The following PPP1R9A variants were observed in gnomAD, a reference collection of about 807,000 sequenced individuals.
PPP1R9A encodes the protein protein phosphatase 1 regulatory subunit 9A.
In PPP1R9A, 59 loss-of-function variants were observed where a neutral mutation model predicts 141.9. That is an observed-to-expected ratio of 0.42 (90% CI 0.34 to 0.52). The LOEUF is 0.52. Among genes scored for constraint, PPP1R9A ranks in the 20% least tolerant of loss-of-function variants. The pLI is 0.10. For missense variants in PPP1R9A, 1,444 were observed against 1,611.9 expected, an observed-to-expected ratio of 0.90 and a Z score of 1.78; for synonymous variants, 500 against 569.7, an observed-to-expected ratio of 0.88 and a Z score of 1.74.
chr7:95,220,853 G>C (rs562548326), intron 7 of PPP1R9A, among the ~76,000 whole-genome samples: 3 of 152,084 alleles, frequency 2.0e-5, no homozygotes, highest in Non-Finnish European at 4.4e-5. Flanking sequence ...CATGTACACG[G>C]TTATTCATCT....
chr7:95,202,849 T>C (rs1789881314), intron 6 of PPP1R9A, among the ~76,000 whole-genome samples: 2 of 152,064 alleles, frequency 1.3e-5, no homozygotes, highest in African/African-American at 2.4e-5. Flanking sequence ...TATGAACTAG[T>C]GCTATATTCC....
Position 94,998,125 on chromosome 7 carries a change from G to A in PPP1R9A, c.1395+86617G>A, listed in dbSNP as rs533712352. 1.2e-4 allele frequency among the ~76,000 whole-genome samples: 18 copies of A among 152,216 alleles called. No homozygotes were observed. In the East Asian group the frequency reaches 3.5e-3, roughly 29 times the overall value. On this transcript the variant is annotated intron_variant, in intron 2 of 19. Transcript: ENST00000433360. Reference sequence around the variant, plus strand: ...TGACTTTGAATAAATATAACCTGAGGTTGTTTATTTTTCTTGTTTAGTGAG... The same window carrying A: ...TGACTTTGAATAAATATAACCTGAGATTGTTTATTTTTCTTGTTTAGTGAG...
At position 95,174,004 on chromosome 7, in the gene PPP1R9A, C is replaced by T. The variant is rs115530929; in HGVS notation, c.1754+12033C>T. ...ATACACTTATACCAGCTAGCAATTCCGCACCTCGGTATTTACTCAAGAACA... is the reference window on the plus strand; with the variant it reads ...ATACACTTATACCAGCTAGCAATTCTGCACCTCGGTATTTACTCAAGAACA... On this transcript the variant is annotated intron_variant, in intron 5 of 19. Coordinates refer to ENST00000433360, the MANE Select transcript of PPP1R9A (RefSeq NM_001166160.2). Among the ~76,000 whole-genome samples, 538 of 152,102 alleles carry T rather than the reference C, an allele frequency of 3.5e-3. 3 individuals carry two copies. The highest frequency in any genetic ancestry group is 0.012 in the African/African-American group (502 of 41,526).
intron 8 of PPP1R9A, among the ~76,000 whole-genome samples, chr7:95,231,272 G>C (rs185808547): frequency 3.3e-5 from 5 of 152,166 alleles, no homozygotes; most frequent in African/African-American, 1.2e-4. Flanking sequence ...TAAGAAATGA[G>C]ATAGATGGCA....
rs561091752 is a variant in PPP1R9A, at chr7:95,150,278, A to G, written c.1650-11589A>G. Among the ~76,000 whole-genome samples the G allele has an allele frequency of 3.1e-4, 47 of 152,196 alleles. 1 individual carries two copies. The South Asian group carries it at 7.1e-3, about 23-fold the overall frequency. ...TCCTAAATGACAACACAGAATATCT[A>G]GGTAAGCTTAGGTATGGCAATGACT... On this transcript the variant is annotated intron_variant, in intron 4 of 19. Coordinates refer to ENST00000433360, the MANE Select transcript of PPP1R9A (RefSeq NM_001166160.2).
intron 1 of PPP1R9A, among the ~76,000 whole-genome samples, chr7:94,908,826 CTTGT>C: frequency 6.6e-6 from 1 of 152,278 alleles, no homozygotes; most frequent in South Asian, 2.1e-4. Flanking sequence ...CAAAGCCTTT[CTTGT>C]TTGTCTGCAT....
chr7:95,230,149 A>G (rs1795720007), intron 8 of PPP1R9A, among the ~76,000 whole-genome samples: 1 of 152,172 alleles, frequency 6.6e-6, no homozygotes, highest in African/African-American at 2.4e-5. Context: ...CTGTGGGACA[A>G]AAGAATCTGA....
intron 2 of PPP1R9A, chr7:95,037,059 A>C (rs1384144764): frequency 6.6e-6 from 1 of 152,198 alleles, no homozygotes; most frequent in African/African-American, 2.4e-5. Context: ...TCTATCCCAT[A>C]GAGATACATA....
At chr7:95,174,419 T>C (rs1241144793) in intron 5 of PPP1R9A, among the ~76,000 whole-genome samples, 1 of 152,178 alleles carries the variant, frequency 6.6e-6, no homozygotes, top group African/African-American at 2.4e-5. Context: ...GAAAATGTTC[T>C]ATATTGTGAT....
At chr7:95,130,191 G>A (rs1563281138) in intron 4 of PPP1R9A, among the ~76,000 whole-genome samples, 1 of 152,090 alleles carries the variant, frequency 6.6e-6, no homozygotes, top group Admixed American at 6.5e-5. Flanking sequence ...TGGTCCTAGG[G>A]TCCCCATGCT....
chr7:94,909,045 T>A (rs1791151070), intron 1 of PPP1R9A, among the ~76,000 whole-genome samples: 1 of 152,256 alleles, frequency 6.6e-6, no homozygotes, highest in African/African-American at 2.4e-5. Flanking sequence ...GGCTTATTGA[T>A]ATAAAATCCT....
At chr7:95,025,033 T>C (rs2151760301) in intron 2 of PPP1R9A, among the ~76,000 whole-genome samples, 1 of 152,256 alleles carries the variant, frequency 6.6e-6, no homozygotes, top group East Asian at 1.9e-4. Flanking sequence ...CCTTTGCGTA[T>C]GAAGCTTAGT....
intron 2 of PPP1R9A, among the ~76,000 whole-genome samples, chr7:95,070,596 T>C (rs1813655136): frequency 8.2e-6 from 1 of 121,374 alleles, no homozygotes; most frequent in Non-Finnish European, 1.9e-5. Context: ...ATCTCTGGTA[T>C]ATATATATAT....
At chr7:95,108,708 A>G (rs1820013920) in intron 2 of PPP1R9A, among the ~76,000 whole-genome samples, 1 of 152,082 alleles carries the variant, frequency 6.6e-6, no homozygotes, top group Non-Finnish European at 1.5e-5. Flanking sequence ...AATACTCTCA[A>G]ATGAACTTTA....
intron 7 of PPP1R9A, among the ~76,000 whole-genome samples, chr7:95,206,967 A>G (rs1255141156): frequency 6.6e-6 from 1 of 152,126 alleles, no homozygotes; most frequent in Non-Finnish European, 1.5e-5. Flanking sequence ...GAAAATTGCC[A>G]GTGTCAAACC....
rs1182564155 is a variant in PPP1R9A at position 95,220,695 on chromosome 7, C to G, written c.1957-5266C>G. On this transcript the variant is annotated intron_variant, in intron 7 of 19. Coordinates refer to ENST00000433360, the MANE Select transcript of PPP1R9A (RefSeq NM_001166160.2). ...TTGCAGGGATAAATTGTACCTGGCA[C>G]TCTCTAGGAATGTTCAGATGAAAGA... 3.3e-5 allele frequency among the ~76,000 whole-genome samples: 5 copies of G among 152,072 alleles called. No individual in the cohort carries two copies. The South Asian group carries it at 6.2e-4, about 19-fold the overall frequency.
chr7:95,247,878 T>C (rs1315481006), intron 9 of PPP1R9A, among the ~76,000 whole-genome samples: 3 of 152,176 alleles, frequency 2.0e-5, no homozygotes, highest in Non-Finnish European at 2.9e-5. Context: ...ACTTACCTTA[T>C]TATAAATAGA....
chr7:95,107,285 A>T (rs1359512225), intron 2 of PPP1R9A, among the ~76,000 whole-genome samples: 1 of 152,126 alleles, frequency 6.6e-6, no homozygotes, highest in African/African-American at 2.4e-5. Flanking sequence ...AGCCCTTTAT[A>T]TATTAGGAAT....
Position 94,911,243 on chromosome 7 carries a change from C to A in PPP1R9A, c.1130C>A (p.Ser377Tyr). The A allele has an allele frequency of 6.2e-7, 1 of 1,614,142 alleles. No homozygotes were observed. Among genetic ancestry groups the A allele is most frequent in the Non-Finnish European group, 8.5e-7 (1 of 1,180,014 alleles). Residue 377 changes from serine (S) to tyrosine (Y), a missense_variant, in exon 2 of 20, where the codon TCC becomes TAC. Transcript: ENST00000433360. The stretch of plus-strand genomic sequence containing the variant: ...TTCACCTCTCCTGATGCTTCTGCAT[C>A]CAGTTGTGGAAAAGAAGTACCTGAA... ...GDFTSPDASA[S>Y]SCGKEVPEDS...
Sources: allele counts gnomAD v4.1 joint callset (sites outside exome capture counted in the v4.1 genomes callset), GRCh38; gene constraint gnomAD v4.1.1; transcripts MANE v1.5; gene names NCBI Gene and HGNC (gene_info 2026-07-23, HGNC 2026-07-21).